Variants in TMPRSS11B observed in about 807,000 individuals in gnomAD.
TMPRSS11B encodes transmembrane protease serine 11B.
A neutral mutation model predicts 44.7 loss-of-function variants in TMPRSS11B; 53 were observed. That is an observed-to-expected ratio of 1.19 (90% CI 0.95 to 1.49). TMPRSS11B has a LOEUF of 1.49. TMPRSS11B is among the 40% of genes most tolerant of loss of function. TMPRSS11B has a pLI of 0.00. For missense variants in TMPRSS11B, 526 were observed against 494.8 expected, an observed-to-expected ratio of 1.06 and a Z score of -0.60; for synonymous variants, 140 against 159.2, an observed-to-expected ratio of 0.88 and a Z score of 0.91.
chr4:68,236,308 G>T, intron 2 of TMPRSS11B, 42 bp from the exon 3 acceptor site: 1 of 1,319,116 alleles, frequency 7.6e-7, no homozygotes. Flanking sequence ...ATTTTAAAGT[G>T]GAAAGTGACT....
rs759828178 is a variant in TMPRSS11B, at chr4:68,229,349, T to C, written c.854A>G (p.Tyr285Cys). Residue 285 changes from tyrosine to cysteine, a missense_variant, in exon 8 of 10, where the codon TAC becomes TGC. Coordinates refer to ENST00000332644, the MANE Select transcript of TMPRSS11B (RefSeq NM_182502.3). ...QLAEEVSFTE[Y>C]IRKICLPEAK... ...TTCAGGAAGACAAATCTTACGAATG[T>C]ACTCTGTAAAAGAAACTTCTTCAGC... is the stretch of plus-strand genomic sequence containing the variant. The C allele has an allele frequency of 1.8e-5, 29 of 1,613,970 alleles. No individual in the cohort carries two copies. In the African/African-American group the frequency reaches 3.2e-4, roughly 18 times the overall value.
At chr4:68,243,483 C>T (rs13128619) in intron 1 of TMPRSS11B, among the ~76,000 whole-genome samples, 66,584 of 151,792 alleles carry the variant, frequency 0.44, 15,221 homozygotes, top group South Asian at 0.62. Flanking sequence ...ATTAGTGTTT[C>T]GCAGAACCAA....
intron 2 of TMPRSS11B, among the ~76,000 whole-genome samples, chr4:68,241,262 G>C (rs978563838): frequency 3.9e-5 from 6 of 152,072 alleles, no homozygotes; most frequent in African/African-American, 1.4e-4. Context: ...AACCATGCTT[G>C]ACTATCTACT....
chr4:68,227,982 T>G lies in TMPRSS11B; in HGVS notation c.1180A>C (p.Lys394Gln). 2 of 1,614,026 alleles carry G rather than the reference T, an allele frequency of 1.2e-6. No homozygotes were observed. The highest frequency in any genetic ancestry group is 2.2e-5 in the South Asian group (2 of 91,072). Reference sequence around the variant, plus strand: ...CGAGTATAGACACCTGGCTTATTCTTTTTACCACATCCATCACCCCAGCTT... The same window carrying G: ...CGAGTATAGACACCTGGCTTATTCTGTTTACCACATCCATCACCCCAGCTT... Reference protein sequence around the residue: ...IVSWGDGCGKKNKPGVYTRVT... With the variant: ...IVSWGDGCGKQNKPGVYTRVT... Residue 394 changes from lysine (K) to glutamine (Q), a missense_variant, in exon 10 of 10, where the codon AAG becomes CAG. Physicochemically the swap from Lys to Gln is moderately conservative, Grantham distance 53. Coordinates refer to ENST00000332644, the MANE Select transcript of TMPRSS11B (RefSeq NM_182502.3).
At chr4:68,228,709 G>A (rs1459623592) in intron 9 of TMPRSS11B, 33 bp downstream of exon 9, 2 of 1,559,064 alleles carry the variant, frequency 1.3e-6, no homozygotes, top group Non-Finnish European at 1.7e-6. Context: ...GATTAACTGG[G>A]AGAAAACAAC....
At chr4:68,237,021 A>G (rs1393072644) in intron 2 of TMPRSS11B, among the ~76,000 whole-genome samples, 1 of 151,664 alleles carries the variant, frequency 6.6e-6, no homozygotes, top group Admixed American at 6.6e-5. Flanking sequence ...CACGTGCCAT[A>G]GTGGTTTGCT....
At chr4:68,232,451 A>G (rs1298612946) in intron 5 of TMPRSS11B, 35 bp from the exon 6 acceptor site, 2 of 1,595,508 alleles carry the variant, frequency 1.3e-6, no homozygotes, top group Non-Finnish European at 1.7e-6. Context: ...TATAAAATTG[A>G]GCAAATATCA....
At chr4:68,239,962 A>G (rs1560444531) in intron 2 of TMPRSS11B, among the ~76,000 whole-genome samples, 1 of 152,230 alleles carries the variant, frequency 6.6e-6, no homozygotes, top group Non-Finnish European at 1.5e-5. Flanking sequence ...TTTTGGAAAT[A>G]GCATTGTTAA....
intron 2 of TMPRSS11B, 30 bp downstream of exon 2, chr4:68,241,659 G>A: frequency 7.6e-7 from 1 of 1,320,268 alleles, no homozygotes; most frequent in East Asian, 2.3e-5. Flanking sequence ...TTTATAGCAA[G>A]GATGAAAACT....
intron 2 of TMPRSS11B, 49 bp from the exon 3 acceptor site, chr4:68,236,315 G>T (rs1329594574): frequency 1.7e-6 from 2 of 1,211,962 alleles, no homozygotes; most frequent in South Asian, 1.3e-5. Flanking sequence ...AGTGGAAAGT[G>T]ACTTTAAAGC....
chr4:68,239,270 G>A (rs762533909), intron 2 of TMPRSS11B, among the ~76,000 whole-genome samples: 7 of 145,510 alleles, frequency 4.8e-5, no homozygotes, highest in African/African-American at 8.4e-5. Context: ...TCTCGCGCGC[G>A]CGCTCTCTCT....
intron 1 of TMPRSS11B, among the ~76,000 whole-genome samples, chr4:68,242,230 TTA>T (rs1170743883): frequency 1.3e-5 from 1 of 74,548 alleles, no homozygotes; most frequent in African/African-American, 7.0e-5. Flanking sequence ...TTATATTATA[TTA>T]TATATATTAT....
chr4:68,231,382 T>C lies in TMPRSS11B; in HGVS notation c.509-2A>G, dbSNP rs1479925028. ...TGTTGGCTACTTGTCTCCCACAACC[T>C]AGAGAAAGGATTTATTTACACGAGA... On this transcript the variant is annotated splice_acceptor_variant, in intron 6 of 9. Transcript: ENST00000332644. LOFTEE classifies it high-confidence loss of function. 8.1e-6 allele frequency: 13 copies of C among 1,607,974 alleles called. No individual in the cohort carries two copies. Among genetic ancestry groups the C allele is most frequent in the Non-Finnish European group, 1.1e-5 (13 of 1,177,478 alleles).
At chr4:68,242,334 T>TATGTAA (rs1719873107) in intron 1 of TMPRSS11B, among the ~76,000 whole-genome samples, 2 of 14,024 alleles carry the variant, frequency 1.4e-4, no homozygotes, top group African/African-American at 2.0e-4. Flanking sequence ...TAATATTATA[T>TATGTAA]TATATATATA....
Position 68,228,754 on chromosome 4 carries a change from A to T in TMPRSS11B, c.1077T>A (p.Ala359=), listed in dbSNP as rs34044450. The change falls in exon 9 of 10, where the codon GCT becomes GCA. Residue 359 remains alanine, a synonymous_variant. Coordinates refer to ENST00000332644, the MANE Select transcript of TMPRSS11B (RefSeq NM_182502.3). ...MLCAGFMSGE[A]DACQNDSGGP... ...TAACTAGACATACCTGACATGCATC[A>T]GCTTCTCCTGACATAAATCCAGCAC... is the stretch of plus-strand genomic sequence containing the variant. 1.9e-3 allele frequency: 3,133 copies of T among 1,610,498 alleles called. 33 individuals are homozygous for T. In the African/African-American group the frequency reaches 0.027, roughly 14 times the overall value.
At chr4:68,236,915 C>CCTTATT (rs1351957736) in intron 2 of TMPRSS11B, among the ~76,000 whole-genome samples, 1 of 143,098 alleles carries the variant, frequency 7.0e-6, no homozygotes, top group African/African-American at 2.6e-5. Flanking sequence ...ACCATGGTGC[C>CCTTATT]ATTATTATTA....
At chr4:68,242,992 C>T (rs977550598) in intron 1 of TMPRSS11B, among the ~76,000 whole-genome samples, 18 of 152,104 alleles carry the variant, frequency 1.2e-4, no homozygotes, top group South Asian at 2.1e-4. Flanking sequence ...TATGGTGGTT[C>T]GGCATCATAG....
In TMPRSS11B at chr4:68,228,074, T is replaced by G; in HGVS notation, c.1090-2A>C. 6.3e-7 allele frequency: 1 copy of G among 1,587,260 alleles called. No individual in the cohort carries two copies. Among genetic ancestry groups the G allele is most frequent in the Non-Finnish European group, 8.5e-7 (1 of 1,172,588 alleles). ...AGCTAGTGGTCCACCAGAATCATTC[T>G]AGAAGAAGAAAAGAAAAAAATGTTT... is the stretch of plus-strand genomic sequence containing the variant. On this transcript the variant is annotated splice_acceptor_variant, in intron 9 of 9. Transcript: ENST00000332644. LOFTEE classifies it high-confidence loss of function.
intron 6 of TMPRSS11B, 84 bp downstream of exon 6, chr4:68,232,294 A>C (rs1273126478): frequency 5.2e-5 from 68 of 1,311,150 alleles, no homozygotes; most frequent in Non-Finnish European, 6.7e-5. Context: ...TCCACATGAC[A>C]TATTTCAAGT....
Sources: gnomAD v4.1 joint callset for allele counts (sites outside exome capture counted in the v4.1 genomes callset) on GRCh38, gnomAD v4.1.1 for gene constraint, MANE v1.5 for transcripts, NCBI Gene and HGNC (gene_info 2026-07-23, HGNC 2026-07-21) for gene names.